NRG3: variants seen among roughly 807,000 people sequenced by gnomAD.
The protein encoded by NRG3 is pro-neuregulin-3, membrane-bound isoform.
NRG3 carries 31 observed loss-of-function variants against 66.9 expected under a neutral mutation model. The ratio of observed to expected loss-of-function variants is 0.46; its 90% CI spans 0.35 to 0.63. NRG3 has a LOEUF of 0.63. Among genes scored for constraint, NRG3 ranks in the 20% least tolerant of loss-of-function variants. The probability of loss-of-function intolerance (pLI) is 0.00; values close to 1 mark genes in which losing one functional copy is unlikely to be tolerated. For missense variants in NRG3, 910 were observed against 878.9 expected (o/e 1.04, Z -0.45); for synonymous variants, 393 against 359.4 (o/e 1.09, Z -1.06).
intron 2 of NRG3, among the ~76,000 whole-genome samples, chr10:82,441,487 C>T (rs185826129): frequency 5.9e-5 from 9 of 152,220 alleles, no homozygotes; most frequent in Middle Eastern, 3.4e-3. Flanking sequence ...CACTTTCATT[C>T]GGAAACTTCA....
rs1589808123 is a variant in NRG3 at position 82,349,431 on chromosome 10, T to G, written c.824-9308T>G. On this transcript the variant is annotated intron_variant, in intron 1 of 8. Coordinates refer to ENST00000372141, the MANE Select transcript of NRG3 (RefSeq NM_001010848.4). ...GAGGCAGTCTGCCCGTTCTCAGATCTCCAGCTGCGTACTGGGAGAACCACT... is the reference window on the plus strand; with the variant it reads ...GAGGCAGTCTGCCCGTTCTCAGATCGCCAGCTGCGTACTGGGAGAACCACT... Among the ~76,000 whole-genome samples, 3 of 150,912 alleles carry G rather than the reference T, an allele frequency of 2.0e-5. No homozygotes were observed. The Middle Eastern group carries it at 0.01, about 524-fold the overall frequency.
At chr10:82,098,827 G>A (rs544904224) in intron 1 of NRG3, among the ~76,000 whole-genome samples, 56 of 152,216 alleles carry the variant, frequency 3.7e-4, no homozygotes, top group African/African-American at 1.3e-3. Flanking sequence ...GCAGTGGTGC[G>A]ATCTCGGCTC....
intron 1 of NRG3, among the ~76,000 whole-genome samples, chr10:81,930,498 C>A (rs1402819574): frequency 6.8e-6 from 1 of 147,710 alleles, no homozygotes; most frequent in East Asian, 2.0e-4. Flanking sequence ...AAGGGCTTGT[C>A]ACTATTACCT....
At chr10:82,075,720 G>T (rs1443341070) in intron 1 of NRG3, among the ~76,000 whole-genome samples, 2 of 152,040 alleles carry the variant, frequency 1.3e-5, no homozygotes, top group East Asian at 3.9e-4. Flanking sequence ...TATGCTGTGT[G>T]TGTGAGAGTG....
chr10:81,895,956 G>A (rs1349349120), intron 1 of NRG3, among the ~76,000 whole-genome samples: 1 of 152,046 alleles, frequency 6.6e-6, no homozygotes, highest in Non-Finnish European at 1.5e-5. Flanking sequence ...TTACTAGAGG[G>A]TAAATGTTAT....
chr10:82,959,092 C>A lies in NRG3; in HGVS notation c.1284+17C>A. 6.3e-7 allele frequency: 1 copy of A among 1,578,606 alleles called. No homozygotes were observed. Among genetic ancestry groups the A allele is most frequent in the South Asian group, 1.2e-5 (1 of 83,602 alleles). On this transcript the variant is annotated intron_variant, in intron 6 of 8. Coordinates refer to ENST00000372141, the MANE Select transcript of NRG3 (RefSeq NM_001010848.4). ...CTGCAAAATGTAAGTGACATGTCTACACACCTCCTCCTATAGCCTACCTCA... is the reference window on the plus strand; with the variant it reads ...CTGCAAAATGTAAGTGACATGTCTAAACACCTCCTCCTATAGCCTACCTCA...
At chr10:81,966,696 G>A (rs984828465) in intron 1 of NRG3, among the ~76,000 whole-genome samples, 1 of 151,988 alleles carries the variant, frequency 6.6e-6, no homozygotes, top group African/African-American at 2.4e-5. Context: ...ATCAGTGCAG[G>A]CTTGATTTCT....
chr10:82,656,308 C>CTT (rs3040205), intron 2 of NRG3, among the ~76,000 whole-genome samples: 2,230 of 131,930 alleles, frequency 0.017, 42 homozygotes, highest in African/African-American at 0.034. Context: ...TTTCTTTTTT[C>CTT]TTTTTTTTTT....
chr10:82,950,479 A>G (rs567723477), intron 4 of NRG3, among the ~76,000 whole-genome samples: 10 of 152,266 alleles, frequency 6.6e-5, no homozygotes, highest in Middle Eastern at 6.8e-3. Context: ...ATTGGTGTCC[A>G]TTTGCCCAGT....
At chr10:82,101,219 T>C (rs2066705805) in intron 1 of NRG3, among the ~76,000 whole-genome samples, 2 of 151,934 alleles carry the variant, frequency 1.3e-5, no homozygotes, top group African/African-American at 4.8e-5. Flanking sequence ...CTCTTTGTTT[T>C]GGTCAATCTG....
At chr10:82,820,685 T>C (rs893639776) in intron 3 of NRG3, among the ~76,000 whole-genome samples, 6 of 152,244 alleles carry the variant, frequency 3.9e-5, no homozygotes, top group Non-Finnish European at 8.8e-5. Context: ...TTAAGTATCC[T>C]CTGCTGCCTA....
chr10:82,823,891 G>T (rs1014629132), intron 3 of NRG3, among the ~76,000 whole-genome samples: 5 of 152,158 alleles, frequency 3.3e-5, no homozygotes, highest in Admixed American at 6.5e-5. Context: ...AAATTTGGTA[G>T]TTTTTTAGCA....
chr10:82,222,416 T>A (rs911967077), intron 1 of NRG3, among the ~76,000 whole-genome samples: 3 of 152,062 alleles, frequency 2.0e-5, no homozygotes, highest in African/African-American at 7.2e-5. Context: ...AGACAAGTAT[T>A]CCATATGGGA....
intron 1 of NRG3, among the ~76,000 whole-genome samples, chr10:82,096,370 G>A (rs1190249822): frequency 1.3e-5 from 2 of 151,998 alleles, no homozygotes; most frequent in Admixed American, 6.6e-5. Context: ...CAGCTACTTC[G>A]GAGGCTGAGG....
chr10:82,919,290 C>A lies in NRG3; in HGVS notation c.1055-32179C>A. On this transcript the variant is annotated intron_variant, in intron 4 of 8. Coordinates refer to ENST00000372141, the MANE Select transcript of NRG3 (RefSeq NM_001010848.4). ...CTTCTGCAGTATACATCTAGACTGGCAATTGACGGAGATATGCTCCAAGAG... is the reference window on the plus strand; with the variant it reads ...CTTCTGCAGTATACATCTAGACTGGAAATTGACGGAGATATGCTCCAAGAG... Among the ~76,000 whole-genome samples the A allele has an allele frequency of 2.0e-5, 3 of 152,056 alleles. 1 individual carries two copies. Among genetic ancestry groups the A allele is most frequent in the Non-Finnish European group, 4.4e-5 (3 of 68,008 alleles).
chr10:82,898,987 G>T (rs1843949761), intron 4 of NRG3, among the ~76,000 whole-genome samples: 1 of 152,080 alleles, frequency 6.6e-6, no homozygotes, highest in South Asian at 2.1e-4. Flanking sequence ...TGGGATTACA[G>T]GCTTGAGCCA....
intron 2 of NRG3, among the ~76,000 whole-genome samples, chr10:82,544,139 A>G (rs942738361): frequency 2.0e-5 from 3 of 152,210 alleles, no homozygotes; most frequent in Non-Finnish European, 4.4e-5. Context: ...TAAAGAATAC[A>G]TGAGATGATG....
chr10:81,877,993 C>T (rs761916355), intron 1 of NRG3: 15 of 1,537,146 alleles, frequency 9.8e-6, no homozygotes, highest in Non-Finnish European at 1.3e-5. Context: ...CCCTTGTATG[C>T]GTTGGGAGAG....
intron 1 of NRG3, among the ~76,000 whole-genome samples, chr10:82,208,374 C>A (rs909598474): frequency 6.6e-6 from 1 of 152,072 alleles, no homozygotes; most frequent in African/African-American, 2.4e-5. Context: ...ACTGGAATGA[C>A]CAGCAAGATT....
Sources: gnomAD v4.1 joint callset for allele counts (sites outside exome capture counted in the v4.1 genomes callset) on GRCh38, gnomAD v4.1.1 for gene constraint, MANE v1.5 for transcripts, NCBI Gene and HGNC (gene_info 2026-07-23, HGNC 2026-07-21) for gene names.